The following CDH17 variants were observed in gnomAD, a reference collection of about 807,000 sequenced individuals.
CDH17 encodes cadherin 17.
A neutral mutation model predicts 86.3 loss-of-function variants in CDH17; 67 were observed. The observed-to-expected ratio is 0.78, with a 90% CI of 0.64 to 0.95. The LOEUF (loss-of-function observed/expected upper bound fraction) is 0.95. CDH17 is among the 40% of genes least tolerant of loss of function. The pLI is 0.00. For missense variants in CDH17, 993 were observed against 1,017.6 expected (o/e 0.98, Z 0.33); for synonymous variants, 367 against 366.4 (o/e 1.00, Z -0.02).
intron 15 of CDH17, among the ~76,000 whole-genome samples, chr8:94,133,452 T>C (rs1338481274): frequency 6.6e-6 from 1 of 152,196 alleles, no homozygotes; most frequent in Non-Finnish European, 1.5e-5. Context: ...CACTCATGTT[T>C]TGGCTCTCTT....
intron 3 of CDH17, among the ~76,000 whole-genome samples, chr8:94,188,823 A>G (rs1002439537): frequency 3.3e-5 from 5 of 152,178 alleles, no homozygotes; most frequent in Non-Finnish European, 1.5e-5. Flanking sequence ...CGTATCTTCC[A>G]GTACTTGAAG....
In CDH17 at chr8:94,146,105, G is replaced by T. The variant is rs757794768; in HGVS notation, c.1990C>A (p.Pro664Thr). Reference sequence around the variant, plus strand: ...GTGTAGTCCTTGGCTAGCCTGGGAGGGTTGTCATTCACATCCATAAGGATC... The same window carrying T: ...GTGTAGTCCTTGGCTAGCCTGGGAGTGTTGTCATTCACATCCATAAGGATC... Reference protein sequence around the residue: ...HLILMDVNDNPPRLAKDYTGL... With the variant: ...HLILMDVNDNTPRLAKDYTGL... The change falls in exon 15 of 18, where the codon CCT becomes ACT. Residue 664 changes from proline to threonine, a missense_variant. Physicochemically the swap from Pro to Thr is conservative, Grantham distance 38 (BLOSUM62 -1). Transcript: ENST00000027335. 6.2e-7 allele frequency: 1 copy of T among 1,611,504 alleles called. No homozygotes were observed. The highest frequency in any genetic ancestry group is 1.1e-5 in the South Asian group (1 of 90,476).
chr8:94,139,004 T>C (rs11781623), intron 15 of CDH17, among the ~76,000 whole-genome samples: 31,957 of 152,116 alleles, frequency 0.21, 3,842 homozygotes, highest in African/African-American at 0.31. Context: ...GAGAAAAATA[T>C]GACCTATGAG....
chr8:94,155,485 C>A (rs924510558), intron 12 of CDH17, among the ~76,000 whole-genome samples: 5 of 152,152 alleles, frequency 3.3e-5, no homozygotes, highest in Non-Finnish European at 7.3e-5. Context: ...TATGCTCAGA[C>A]AGAGCACATG....
At chr8:94,136,860 T>C (rs1286490884) in intron 15 of CDH17, among the ~76,000 whole-genome samples, 1 of 152,218 alleles carries the variant, frequency 6.6e-6, no homozygotes, top group Non-Finnish European at 1.5e-5. Flanking sequence ...TGTTTGTTAG[T>C]TTTCCTTCTA....
rs116290843 is a variant in CDH17 at position 94,181,054 on chromosome 8, T to C, written c.151-3333A>G. Among the ~76,000 whole-genome samples the C allele has an allele frequency of 3.9e-3, 585 of 150,232 alleles. 6 individuals are homozygous for C. The highest frequency in any genetic ancestry group is 0.013 in the African/African-American group (541 of 40,810). On this transcript the variant is annotated intron_variant, in intron 3 of 17. Coordinates refer to ENST00000027335, the MANE Select transcript of CDH17 (RefSeq NM_004063.4). ...AGGATAAAATTAACCTATACTACTA[T>C]CAGACAAAACAGACTTTAAAACAAA...
chr8:94,132,743 C>T (rs912462626), intron 15 of CDH17, among the ~76,000 whole-genome samples: 4 of 152,086 alleles, frequency 2.6e-5, no homozygotes, highest in East Asian at 1.9e-4. Flanking sequence ...TCCTTGCCCA[C>T]GCCTGTCTTC....
chr8:94,168,969 T>TTCTGAACTTC (rs1313873783), intron 9 of CDH17, among the ~76,000 whole-genome samples: 2 of 152,174 alleles, frequency 1.3e-5, no homozygotes, highest in Non-Finnish European at 2.9e-5. Context: ...GAATTAGAGG[T>TTCTGAACTTC]ATCCAGCTGA....
intron 1 of CDH17, chr8:94,202,789 C>A: frequency 6.1e-6 from 1 of 164,654 alleles, no homozygotes; most frequent in Non-Finnish European, 1.3e-5. Context: ...TTCTTGTCAC[C>A]TCAACTGGGT....
intron 1 of CDH17, among the ~76,000 whole-genome samples, chr8:94,198,697 T>TGAGCTCTCTGGCAGCC (rs1251274318): frequency 6.6e-6 from 1 of 152,150 alleles, no homozygotes; most frequent in African/African-American, 2.4e-5. Context: ...CTTTGCACCC[T>TGAGCTCTCTGGCAGCC]GAGCTCTCTG....
intron 1 of CDH17, chr8:94,202,467 A>C (rs1563591381): frequency 6.5e-6 from 1 of 153,028 alleles, no homozygotes. Context: ...CACTGCACCC[A>C]GTCCTGATAT....
chr8:94,163,037 C>T (rs1205203153), intron 10 of CDH17, among the ~76,000 whole-genome samples: 1 of 152,206 alleles, frequency 6.6e-6, no homozygotes. Context: ...CTCAATTTAT[C>T]TGTAAACTGT....
intron 13 of CDH17, among the ~76,000 whole-genome samples, chr8:94,149,330 C>A (rs1386724579): frequency 1.3e-5 from 2 of 152,106 alleles, no homozygotes; most frequent in African/African-American, 4.8e-5. Flanking sequence ...CTCATAGACC[C>A]TGGTAACACA....
At chr8:94,189,551 A>G (rs1381281897) in intron 2 of CDH17, among the ~76,000 whole-genome samples, 2 of 152,230 alleles carry the variant, frequency 1.3e-5, no homozygotes, top group Non-Finnish European at 2.9e-5. Flanking sequence ...TAACATCCCC[A>G]TATTACAAAT....
At position 94,151,950 on chromosome 8, in the gene CDH17, G is replaced by A; in HGVS notation, c.1714C>T (p.Gln572Ter). ...EAPQFSQHVF[Q>*]AKVSEDVAIG... ...GCTACATCCTCACTGACTTTCGCTTGGAATACGTGTTGGGAAAATTGAGGT... is the reference window on the plus strand; with the variant it reads ...GCTACATCCTCACTGACTTTCGCTTAGAATACGTGTTGGGAAAATTGAGGT... The change falls in exon 13 of 18, where the codon CAA becomes TAA. Residue 572 changes from glutamine to a stop codon, truncating the protein, a stop_gained. Transcript: ENST00000027335. LOFTEE classifies it high-confidence loss of function. 1 of 1,614,140 alleles carries A rather than the reference G, an allele frequency of 6.2e-7. No homozygotes were observed. The highest frequency in any genetic ancestry group is 1.1e-5 in the South Asian group (1 of 91,074).
At position 94,194,648 on chromosome 8, in the gene CDH17, A is replaced by G; in HGVS notation, c.38T>C (p.Leu13Pro). 3.1e-6 allele frequency: 5 copies of G among 1,605,382 alleles called. No individual in the cohort carries two copies. Among genetic ancestry groups the G allele is most frequent in the Non-Finnish European group, 4.3e-6 (5 of 1,173,696 alleles). Residue 13 changes from leucine to proline, a missense_variant, in exon 2 of 18, where the codon CTT (leucine) becomes CCT (proline). Transcript: ENST00000027335. ...CTCTTCTCTTACCAAATAAAGCATA[A>G]GAAGACACAGGGAGTGAAGATGGGC... is the stretch of plus-strand genomic sequence containing the variant. Reference protein sequence around the residue: ...LQAHLHSLCLLMLYLATGYGQ... With the variant: ...LQAHLHSLCLPMLYLATGYGQ...
rs761508463 is a variant in CDH17, at chr8:94,130,692, G to A, written c.2332C>T (p.His778Tyr). ...CCCACAGTGGGTATCCCAGTCTGGT[G>A]ACCTGCTGGCCGGAAACAACTTCCT... ...VEGSCFRPAGHQTGIPTVGMA... is the reference protein window; with the variant it reads ...VEGSCFRPAGYQTGIPTVGMA... Residue 778 changes from histidine to tyrosine, a missense_variant, in exon 17 of 18, where the codon CAC becomes TAC. Transcript: ENST00000027335. 6.2e-7 allele frequency: 1 copy of A among 1,614,060 alleles called. No individual in the cohort carries two copies.
chr8:94,212,534 C>T (rs546216277), upstream of CDH17, among the ~76,000 whole-genome samples: 10 of 151,284 alleles, frequency 6.6e-5, no homozygotes, highest in African/African-American at 2.4e-4. Flanking sequence ...AACCAGAACA[C>T]TTGAGAGAAT....
intron 1 of CDH17, among the ~76,000 whole-genome samples, chr8:94,199,069 ATATATATATATATATTTTTTT>A (rs1469828783): frequency 1.7e-4 from 5 of 28,846 alleles, no homozygotes; most frequent in South Asian, 1.3e-3. Context: ...ATATATATAT[ATATATATATATATATTTTTTT>A]TTTTTTATCA....
Sources: allele counts gnomAD v4.1 joint callset (sites outside exome capture counted in the v4.1 genomes callset), GRCh38; gene constraint gnomAD v4.1.1; transcripts MANE v1.5; gene names NCBI Gene and HGNC (gene_info 2026-07-23, HGNC 2026-07-21).